The following DNAH14 variants were observed in gnomAD, a reference collection of about 807,000 sequenced individuals.
The protein encoded by DNAH14 is axonemal beta dynein heavy chain 14.
A neutral mutation model predicts 520.9 loss-of-function variants in DNAH14; 478 were observed. The observed-to-expected ratio is 0.92, with a 90% CI of 0.85 to 0.99. DNAH14 has a LOEUF of 0.99. Among genes scored for constraint, DNAH14 ranks in the 50% least tolerant of loss-of-function variants. The pLI is 0.00. For synonymous variants in DNAH14, 1,581 were observed against 1,757.2 expected, an observed-to-expected ratio of 0.90 and a Z score of 2.51; for missense variants, 4,831 against 5,234.5, an observed-to-expected ratio of 0.92 and a Z score of 2.38.
intron 1 of DNAH14, among the ~76,000 whole-genome samples, chr1:224,932,170 G>T (rs930035883): frequency 2.6e-5 from 4 of 152,010 alleles, no homozygotes; most frequent in African/African-American, 9.7e-5. Context: ...GGGTAGGATG[G>T]TATCTCATTC....
intron 8 of DNAH14, among the ~76,000 whole-genome samples, chr1:224,989,819 C>T (rs2062906921): frequency 6.6e-6 from 1 of 152,152 alleles, no homozygotes; most frequent in South Asian, 2.1e-4. Flanking sequence ...TATTTGATCA[C>T]GTGATTTTTT....
At chr1:225,097,076 A>AT in intron 21 of DNAH14, 42 bp from the exon 22 acceptor site, 1 of 1,457,496 alleles carries the variant, frequency 6.9e-7, no homozygotes, top group Non-Finnish European at 9.2e-7. Context: ...GAATAATTTT[A>AT]TATATTTAGA....
intron 15 of DNAH14, among the ~76,000 whole-genome samples, chr1:225,048,145 AT>A (rs1315001498): frequency 6.6e-6 from 1 of 152,184 alleles, no homozygotes; most frequent in Non-Finnish European, 1.5e-5. Context: ...CCATAATGTC[AT>A]ATAAATGCAT....
intron 8 of DNAH14, among the ~76,000 whole-genome samples, chr1:224,978,506 G>T (rs1210775457): frequency 6.6e-6 from 1 of 152,130 alleles, no homozygotes; most frequent in Non-Finnish European, 1.5e-5. Flanking sequence ...TGATGAGAAG[G>T]GTGTTGGGGA....
chr1:225,103,985 GCTTCC>G (rs2075778028), intron 23 of DNAH14, among the ~76,000 whole-genome samples: 2 of 150,148 alleles, frequency 1.3e-5, no homozygotes, highest in Non-Finnish European at 3.0e-5. Flanking sequence ...CAAAGGGAAT[GCTTCC>G]AGTTTTTGCC....
chr1:225,209,432 G>A (rs2088037732), intron 41 of DNAH14, among the ~76,000 whole-genome samples: 1 of 151,998 alleles, frequency 6.6e-6, no homozygotes, highest in African/African-American at 2.4e-5. Context: ...GGGAACAGGG[G>A]AGATTTACAG....
intron 69 of DNAH14, among the ~76,000 whole-genome samples, chr1:225,342,919 G>A (rs1480894974): frequency 6.7e-6 from 1 of 150,294 alleles, no homozygotes; most frequent in Non-Finnish European, 1.5e-5. Context: ...GGTGCTACTA[G>A]GTGGTAGCCC....
At chr1:225,000,382 T>C (rs1410284011) in intron 8 of DNAH14, among the ~76,000 whole-genome samples, 2 of 152,114 alleles carry the variant, frequency 1.3e-5, no homozygotes, top group Non-Finnish European at 2.9e-5. Context: ...TTATTCTGTT[T>C]TGAGTTCCCT....
chr1:225,037,321 T>G (rs1348400652), intron 11 of DNAH14, among the ~76,000 whole-genome samples: 1 of 152,194 alleles, frequency 6.6e-6, no homozygotes, highest in Non-Finnish European at 1.5e-5. Context: ...CTGTCTTCCT[T>G]TTAGTGAAGG....
chr1:224,945,414 T>G (rs1476974464), intron 1 of DNAH14, among the ~76,000 whole-genome samples: 1 of 152,158 alleles, frequency 6.6e-6, no homozygotes, highest in African/African-American at 2.4e-5. Flanking sequence ...TTCAAGGTTT[T>G]TAACTTCTTT....
chr1:225,331,969 C>CTT (rs11430430), intron 65 of DNAH14, among the ~76,000 whole-genome samples: 58 of 150,364 alleles, frequency 3.9e-4, no homozygotes, highest in East Asian at 9.8e-4. Flanking sequence ...AAAATTCTCC[C>CTT]TTTTTTTTTA....
chr1:225,303,291 C>T lies in DNAH14; in HGVS notation c.8767C>T (p.Leu2923Phe), dbSNP rs764252968. The change falls in exon 57 of 86, where the codon CTC becomes TTC. Residue 2923 changes from leucine (L) to phenylalanine (F), a missense_variant. Physicochemically the swap from Leu to Phe is conservative, Grantham distance 22 (BLOSUM62 0). Transcript: ENST00000682510. The part of the protein sequence containing the change: ...DWYERWPEEA[L>F]LIVANSFLKE... The stretch of plus-strand genomic sequence containing the variant: ...GTATGAGAGGTGGCCAGAAGAAGCT[C>T]TCCTTATTGTAGCTAACTCATTCTT... 4.6e-5 allele frequency: 72 copies of T among 1,551,338 alleles called. 1 individual carries two copies. In the South Asian group the frequency reaches 8.0e-4, roughly 17 times the overall value.
intron 12 of DNAH14, 26 bp downstream of exon 12, chr1:225,038,849 A>G: frequency 6.9e-7 from 1 of 1,442,528 alleles, no homozygotes; most frequent in Non-Finnish European, 9.2e-7. Context: ...AAAAATATAA[A>G]CATAGATTTT....
chr1:225,042,561 T>G (rs1198672258), intron 12 of DNAH14, among the ~76,000 whole-genome samples: 2 of 152,152 alleles, frequency 1.3e-5, no homozygotes, highest in African/African-American at 4.8e-5. Context: ...TAAGAATTTG[T>G]ATTTTAAATA....
At chr1:225,397,383 G>C (rs2096028337) in intron 84 of DNAH14, 1 of 152,512 alleles carries the variant, frequency 6.6e-6, no homozygotes, top group East Asian at 1.9e-4. Context: ...GGCATCACCA[G>C]GCACAGCACA....
At chr1:225,094,776 A>G (rs894558330) in intron 21 of DNAH14, among the ~76,000 whole-genome samples, 1 of 150,038 alleles carries the variant, frequency 6.7e-6, no homozygotes, top group African/African-American at 2.4e-5. Context: ...TGATGAAGGT[A>G]TAATATCCAG....
chr1:225,390,619 C>T (rs909871123), intron 83 of DNAH14, among the ~76,000 whole-genome samples: 3 of 151,796 alleles, frequency 2.0e-5, no homozygotes, highest in East Asian at 1.9e-4. Flanking sequence ...CAGGCAAGCC[C>T]GCTAAGGAAA....
intron 51 of DNAH14, 116 bp downstream of exon 51, chr1:225,272,189 T>A (rs2093333499): frequency 9.6e-7 from 1 of 1,039,634 alleles, no homozygotes; most frequent in South Asian, 1.7e-5. Flanking sequence ...TGGTTAGTTT[T>A]GCTATTAGCA....
In DNAH14 at chr1:225,388,451, A is replaced by T; in HGVS notation, c.13150A>T (p.Asn4384Tyr). The T allele has an allele frequency of 6.5e-7, 1 of 1,535,118 alleles. No individual in the cohort carries two copies. Among genetic ancestry groups the T allele is most frequent in the Non-Finnish European group, 8.8e-7 (1 of 1,133,490 alleles). Residue 4384 changes from asparagine to tyrosine, a missense_variant, in exon 82 of 86, where the codon AAT becomes TAT. By Grantham distance (143) the Asn-to-Tyr change is moderately radical. Transcript: ENST00000682510. ...DDLIQRLNFF[N>Y]TWAKVAYTAI... is the part of the protein sequence containing the mutation. ...TCTCATCCAGCGACTGAATTTCTTC[A>T]ATACTTGGGCCAAAGTGGCTTATAC...
Sources: gnomAD v4.1 joint callset for allele counts (sites outside exome capture counted in the v4.1 genomes callset) on GRCh38, gnomAD v4.1.1 for gene constraint, MANE v1.5 for transcripts, NCBI Gene and HGNC (gene_info 2026-07-23, HGNC 2026-07-21) for gene names.